Variants in GALNT13 observed in about 807,000 individuals in gnomAD.
GALNT13 encodes UDP-GalNAc:polypeptide N-acetylgalactosaminyltransferase 13.
In GALNT13, 28 loss-of-function variants were observed where a neutral mutation model predicts 64.2. The observed-to-expected ratio is 0.44, with a 90% CI of 0.32 to 0.60. The LOEUF is 0.60. GALNT13 is among the 20% of genes least tolerant of loss of function. The probability of loss-of-function intolerance (pLI) is 0.05; values close to 1 mark genes in which losing one functional copy is unlikely to be tolerated. For synonymous variants in GALNT13, 214 were observed against 224.6 expected, an observed-to-expected ratio of 0.95 and a Z score of 0.42; for missense variants, 577 against 669.8, an observed-to-expected ratio of 0.86 and a Z score of 1.53.
intron 3 of GALNT13, among the ~76,000 whole-genome samples, chr2:153,993,133 G>A (rs1695273297): frequency 1.3e-5 from 2 of 151,972 alleles, no homozygotes; most frequent in South Asian, 4.1e-4. Flanking sequence ...TTTTTACCAA[G>A]TATGTGAAGT....
At chr2:154,384,604 A>G (rs1441862160) in intron 9 of GALNT13, among the ~76,000 whole-genome samples, 1 of 151,864 alleles carries the variant, frequency 6.6e-6, no homozygotes, top group Non-Finnish European at 1.5e-5. Flanking sequence ...CTTTTAAATC[A>G]TATGTCATTC....
chr2:154,339,801 C>T (rs1003088607), intron 9 of GALNT13, among the ~76,000 whole-genome samples: 18 of 151,886 alleles, frequency 1.2e-4, no homozygotes, highest in African/African-American at 3.6e-4. Flanking sequence ...GGTTCCTGAG[C>T]TTTCTCTCTC....
chr2:154,167,376 T>A (rs1232225839), intron 4 of GALNT13, among the ~76,000 whole-genome samples: 2 of 152,170 alleles, frequency 1.3e-5, no homozygotes, highest in African/African-American at 4.8e-5. Context: ...TTTAAAATTG[T>A]ATTCTTCTAG....
intron 3 of GALNT13, among the ~76,000 whole-genome samples, chr2:154,058,952 C>T (rs1027350303): frequency 6.6e-6 from 1 of 152,022 alleles, no homozygotes; most frequent in Non-Finnish European, 1.5e-5. Context: ...AATTAAAAGG[C>T]TATTATAGTA....
rs146510278 is a variant in GALNT13, at chr2:153,927,715, C to A, written c.-104-16679C>A. ...ATTATTTACTTCTTTCCTCTAATTG[C>A]CTGTCTTTTAAGGCACTTAACTTAT... On this transcript the variant is annotated intron_variant, in intron 2 of 12. Coordinates refer to ENST00000392825, the MANE Select transcript of GALNT13 (RefSeq NM_052917.4). Among the ~76,000 whole-genome samples the A allele has an allele frequency of 3.8e-3, 575 of 151,992 alleles. 3 individuals carry two copies. Among genetic ancestry groups the A allele is most frequent in the African/African-American group, 0.013 (550 of 41,470 alleles).
At chr2:153,283,649 T>G in the GALNT13 span, among the ~76,000 whole-genome samples, 1 of 152,076 alleles carries the variant, frequency 6.6e-6, no homozygotes, top group Non-Finnish European at 1.5e-5. Flanking sequence ...CAGCTCCGGT[T>G]GCTTAACCAG....
Position 154,242,165 on chromosome 2 carries a change from G to T in GALNT13, c.447G>T (p.Glu149Asp). The T allele has an allele frequency of 6.2e-7, 1 of 1,611,218 alleles. No individual in the cohort carries two copies. The highest frequency in any genetic ancestry group is 8.5e-7 in the Non-Finnish European group (1 of 1,179,164). Residue 149 changes from glutamate to aspartate, a missense_variant, in exon 5 of 13, where the codon GAG (glutamate) becomes GAT (aspartate). This residue lies in a region of GALNT13 where 341 missense variants were observed against 379.3 expected (regional missense o/e 0.90). Transcript: ENST00000392825. ...GTTCCCCACACTATCTACTCTCAGA[G>T]GTCATCTTGGTAGATGATGCCAGTG... ...INRSPHYLLS[E>D]VILVDDASER...
At chr2:153,135,831 T>G in the GALNT13 span, among the ~76,000 whole-genome samples, 10 of 152,030 alleles carry the variant, frequency 6.6e-5, no homozygotes, top group African/African-American at 2.2e-4. Context: ...ATAGGTGATG[T>G]TCTACTCTGA....
At position 154,189,560 on chromosome 2, in the gene GALNT13, A is replaced by G. The variant is rs114697990; in HGVS notation, c.311+49055A>G. On this transcript the variant is annotated intron_variant, in intron 4 of 12. Coordinates refer to ENST00000392825, the MANE Select transcript of GALNT13 (RefSeq NM_052917.4). ...TCCGCACCTGAGCAGCCATGCTGGCACCCTGATCTTGGATTTCCAGTTTCC... is the reference window on the plus strand; with the variant it reads ...TCCGCACCTGAGCAGCCATGCTGGCGCCCTGATCTTGGATTTCCAGTTTCC... Among the ~76,000 whole-genome samples the G allele has an allele frequency of 4.8e-3, 726 of 150,814 alleles. 8 individuals carry two copies. Among genetic ancestry groups the G allele is most frequent in the African/African-American group, 0.017 (691 of 41,072 alleles).
At chr2:153,842,412 T>C in the GALNT13 span, among the ~76,000 whole-genome samples, 2 of 152,048 alleles carry the variant, frequency 1.3e-5, no homozygotes, top group Admixed American at 6.6e-5. Context: ...GCAGAGGTCC[T>C]GGATAATTCT....
chr2:153,803,237 T>C, the GALNT13 span, among the ~76,000 whole-genome samples: 7 of 152,194 alleles, frequency 4.6e-5, no homozygotes, highest in Non-Finnish European at 1.0e-4. Context: ...TTTATTTCAG[T>C]ATATTAATGC....
the GALNT13 span, among the ~76,000 whole-genome samples, chr2:153,555,264 G>A: frequency 2.0e-5 from 2 of 98,468 alleles, no homozygotes; most frequent in South Asian, 7.7e-4. Context: ...GCGCGATCTC[G>A]GCTCACTGCA....
the GALNT13 span, among the ~76,000 whole-genome samples, chr2:153,189,286 A>T: frequency 1.6e-4 from 24 of 152,136 alleles, no homozygotes; most frequent in African/African-American, 5.3e-4. Flanking sequence ...CCATGAGATC[A>T]GCATTTTTTT....
At chr2:153,808,708 T>G in the GALNT13 span, among the ~76,000 whole-genome samples, 1 of 152,194 alleles carries the variant, frequency 6.6e-6, no homozygotes, top group Non-Finnish European at 1.5e-5. Context: ...TTGCCCACAT[T>G]GAAACATCCA....
At chr2:153,594,943 C>A in the GALNT13 span, among the ~76,000 whole-genome samples, 1 of 151,952 alleles carries the variant, frequency 6.6e-6, no homozygotes, top group Non-Finnish European at 1.5e-5. Context: ...AACCAATAAG[C>A]AGATCAAAAT....
chr2:154,096,421 A>G (rs966460310), intron 3 of GALNT13, among the ~76,000 whole-genome samples: 3 of 152,078 alleles, frequency 2.0e-5, no homozygotes, highest in Non-Finnish European at 4.4e-5. Context: ...GATGGCTTAC[A>G]GTAATCTCAT....
At chr2:154,414,626 T>A (rs977445675) in intron 11 of GALNT13, among the ~76,000 whole-genome samples, 3 of 152,064 alleles carry the variant, frequency 2.0e-5, no homozygotes, top group Non-Finnish European at 4.4e-5. Context: ...CATTTAAACA[T>A]TTCAAAAATT....
chr2:154,002,920 A>T (rs1371236722), intron 3 of GALNT13, among the ~76,000 whole-genome samples: 1 of 152,194 alleles, frequency 6.6e-6, no homozygotes, highest in Non-Finnish European at 1.5e-5. Flanking sequence ...GCTGTTTCCC[A>T]TGCTGAGGAT....
At chr2:153,153,324 CA>C in the GALNT13 span, among the ~76,000 whole-genome samples, 297 of 152,074 alleles carry the variant, frequency 2.0e-3, 1 homozygote, top group African/African-American at 6.8e-3. Context: ...CCATAGTTTG[CA>C]AAAATATTTT....
Sources: gnomAD v4.1 joint callset for allele counts (sites outside exome capture counted in the v4.1 genomes callset) on GRCh38, gnomAD v4.1.1 for gene constraint, gnomAD v4.1.1 regional missense constraint, MANE v1.5 for transcripts, NCBI Gene and HGNC (gene_info 2026-07-23, HGNC 2026-07-21) for gene names.